SUPT3H: variants seen among roughly 807,000 people sequenced by gnomAD.
The protein encoded by SUPT3H is SPT3 homolog, SAGA and STAGA complex component.
In SUPT3H, 44 loss-of-function variants were observed where a neutral mutation model predicts 44.3. The observed-to-expected ratio is 0.99, with a 90% CI of 0.78 to 1.28. The LOEUF (loss-of-function observed/expected upper bound fraction) is 1.28. Among genes scored for constraint, SUPT3H ranks in the 50% most tolerant of loss-of-function variants. The pLI, the probability that SUPT3H is intolerant of heterozygous loss-of-function variation, is 0.00. For synonymous variants in SUPT3H, 124 were observed against 125.6 expected, an observed-to-expected ratio of 0.99 and a Z score of 0.09; for missense variants, 380 against 387.1, an observed-to-expected ratio of 0.98 and a Z score of 0.15.
At chr6:44,914,701 C>T (rs540922627) in intron 10 of SUPT3H, among the ~76,000 whole-genome samples, 1 of 152,312 alleles carries the variant, frequency 6.6e-6, no homozygotes, top group African/African-American at 2.4e-5. Flanking sequence ...TATCAGGTGG[C>T]TGTTGTCTCT....
intron 3 of SUPT3H, among the ~76,000 whole-genome samples, chr6:45,044,129 T>C (rs188628334): frequency 1.3e-5 from 2 of 152,298 alleles, no homozygotes; most frequent in East Asian, 1.9e-4. Flanking sequence ...GCAGTAGTAG[T>C]AGAGGCAGTG....
intron 2 of SUPT3H, among the ~76,000 whole-genome samples, chr6:45,276,422 G>A (rs752867914): frequency 6.6e-6 from 1 of 151,954 alleles, no homozygotes; most frequent in African/African-American, 2.4e-5. Flanking sequence ...AATAGTTATT[G>A]TTCATTTGCT....
At chr6:45,179,044 G>T (rs1398777760) in intron 2 of SUPT3H, among the ~76,000 whole-genome samples, 1 of 151,928 alleles carries the variant, frequency 6.6e-6, no homozygotes, top group Non-Finnish European at 1.5e-5. Context: ...TGATAAAGGG[G>T]ATATCACCAC....
intron 2 of SUPT3H, among the ~76,000 whole-genome samples, chr6:45,171,553 C>T (rs1810767481): frequency 6.6e-6 from 1 of 152,032 alleles, no homozygotes; most frequent in African/African-American, 2.4e-5. Flanking sequence ...CTGAAGAGGA[C>T]CTTTCAAACC....
At chr6:44,958,386 C>G (rs556622764) in intron 7 of SUPT3H, among the ~76,000 whole-genome samples, 6 of 152,196 alleles carry the variant, frequency 3.9e-5, no homozygotes, top group Admixed American at 3.9e-4. Flanking sequence ...CATTCCCAGT[C>G]CTTTCCTTAG....
chr6:45,174,076 A>T (rs1811276617), intron 2 of SUPT3H, among the ~76,000 whole-genome samples: 1 of 152,206 alleles, frequency 6.6e-6, no homozygotes, highest in African/African-American at 2.4e-5. Context: ...CCTGACTCTA[A>T]CCTTTCAATC....
At chr6:44,946,217 A>C (rs1267740281) in intron 9 of SUPT3H, among the ~76,000 whole-genome samples, 1 of 152,224 alleles carries the variant, frequency 6.6e-6, no homozygotes. Flanking sequence ...GTATCTGGTC[A>C]CCCAAGAGCT....
At chr6:45,131,127 C>G (rs1803411001) in intron 2 of SUPT3H, among the ~76,000 whole-genome samples, 1 of 152,110 alleles carries the variant, frequency 6.6e-6, no homozygotes, top group African/African-American at 2.4e-5. Flanking sequence ...AGATCACTCG[C>G]CCTGCAAGGA....
intron 2 of SUPT3H, among the ~76,000 whole-genome samples, chr6:45,288,039 T>C (rs769827331): frequency 3.3e-5 from 5 of 152,206 alleles, no homozygotes; most frequent in Non-Finnish European, 5.9e-5. Context: ...ATGTATTTTA[T>C]GAAATTATAA....
chr6:44,982,999 A>G (rs1779313610), intron 6 of SUPT3H, among the ~76,000 whole-genome samples: 1 of 152,316 alleles, frequency 6.6e-6, no homozygotes, highest in Middle Eastern at 3.4e-3. Context: ...TAAATATTAA[A>G]TCTGTCTTTT....
chr6:44,880,449 T>C (rs1157069809), intron 10 of SUPT3H, among the ~76,000 whole-genome samples: 1 of 152,124 alleles, frequency 6.6e-6, no homozygotes, highest in Non-Finnish European at 1.5e-5. Flanking sequence ...AACCTACACT[T>C]GATTGGTGTA....
At chr6:45,291,155 G>C (rs948979968) in intron 2 of SUPT3H, among the ~76,000 whole-genome samples, 2 of 152,168 alleles carry the variant, frequency 1.3e-5, no homozygotes, top group Non-Finnish European at 2.9e-5. Flanking sequence ...TACCAGCCCA[G>C]AGCCTGGTAG....
At chr6:45,025,209 A>G (rs1785779536) in intron 3 of SUPT3H, among the ~76,000 whole-genome samples, 1 of 152,158 alleles carries the variant, frequency 6.6e-6, no homozygotes, top group Non-Finnish European at 1.5e-5. Flanking sequence ...TTAAAATACG[A>G]GCTTTAAAAT....
chr6:45,230,660 G>GCCTGTATATATATATA, intron 2 of SUPT3H, among the ~76,000 whole-genome samples: 1 of 51,180 alleles, frequency 2.0e-5, no homozygotes, highest in African/African-American at 6.3e-5. Flanking sequence ...AATTCATTCA[G>GCCTGTATATATATATA]TCTATATATA....
At chr6:45,359,358 C>T (rs1040517883) in intron 2 of SUPT3H, among the ~76,000 whole-genome samples, 1 of 152,078 alleles carries the variant, frequency 6.6e-6, no homozygotes, top group Non-Finnish European at 1.5e-5. Context: ...TGCCTTTATA[C>T]ATATTCTCAC....
chr6:45,366,994 A>G (rs1795242622), intron 1 of SUPT3H, among the ~76,000 whole-genome samples: 2 of 152,186 alleles, frequency 1.3e-5, no homozygotes, highest in African/African-American at 4.8e-5. Context: ...TCATAAAGGG[A>G]ATCTAAACCA....
intron 3 of SUPT3H, among the ~76,000 whole-genome samples, chr6:45,056,254 C>G (rs1052454966): frequency 3.3e-5 from 5 of 152,128 alleles, no homozygotes; most frequent in African/African-American, 1.2e-4. Flanking sequence ...TGTACAACCA[C>G]TATGGAAAAC....
chr6:44,909,763 C>G (rs1485317010), intron 10 of SUPT3H, among the ~76,000 whole-genome samples: 1 of 152,136 alleles, frequency 6.6e-6, no homozygotes, highest in African/African-American at 2.4e-5. Context: ...GCCCAGGGCT[C>G]TTCCCATTAT....
intron 3 of SUPT3H, among the ~76,000 whole-genome samples, chr6:45,077,957 T>C (rs554220470): frequency 3.3e-5 from 5 of 150,288 alleles, no homozygotes; most frequent in African/African-American, 9.7e-5. Flanking sequence ...CAAAATCAGA[T>C]GGATAGAAGG....
Sources: gnomAD v4.1 joint callset for allele counts (sites outside exome capture counted in the v4.1 genomes callset) on GRCh38, gnomAD v4.1.1 for gene constraint, MANE v1.5 for transcripts, NCBI Gene and HGNC (gene_info 2026-07-23, HGNC 2026-07-21) for gene names.